ZC3H12B: variants seen among roughly 807,000 people sequenced by gnomAD.
ZC3H12B encodes zinc finger CCCH-type containing 12B, also known as probable ribonuclease ZC3H12B.
Under a neutral mutation model 43.9 loss-of-function variants are expected in ZC3H12B, and 7 were observed. That is an observed-to-expected ratio of 0.16 (90% confidence interval 0.09 to 0.30). The LOEUF (loss-of-function observed/expected upper bound fraction) is 0.30. Ranked by LOEUF, ZC3H12B falls within the 10% of genes least tolerant of loss-of-function variation. The pLI, the probability that ZC3H12B is intolerant of heterozygous loss-of-function variation, is 1.00. For missense variants in ZC3H12B, 475 were observed against 670.2 expected (o/e 0.71, Z 3.22); for synonymous variants, 222 against 241.7 (o/e 0.92, Z 0.76).
At chrX:65,109,493 C>A in the ZC3H12B span, among the ~76,000 whole-genome samples, 1 of 111,707 alleles carries the variant, frequency 9.0e-6, no homozygotes, top group Non-Finnish European at 1.9e-5. Flanking sequence ...CGTATGTTTT[C>A]TAGGTCTATG....
chrX:65,237,076 C>T, the ZC3H12B span, among the ~76,000 whole-genome samples: 1 of 111,765 alleles, frequency 8.9e-6, no homozygotes, highest in Non-Finnish European at 1.9e-5. Flanking sequence ...TCTTCTAATT[C>T]TGTGAAGAAT....
the ZC3H12B span, among the ~76,000 whole-genome samples, chrX:65,212,715 T>C: frequency 1.1e-5 from 1 of 93,389 alleles, no homozygotes. Context: ...TTATATATCA[T>C]ATATATATCA....
At chrX:65,092,923 G>C in the ZC3H12B span, among the ~76,000 whole-genome samples, 1 of 111,769 alleles carries the variant, frequency 8.9e-6, no homozygotes, top group Non-Finnish European at 1.9e-5. Context: ...GGCCTCCAAG[G>C]CTTCAGAGAC....
intron 2 of ZC3H12B, among the ~76,000 whole-genome samples, chrX:65,391,281 A>G (rs2066612505): frequency 2.7e-5 from 3 of 112,422 alleles, no homozygotes; most frequent in East Asian, 5.6e-4. Flanking sequence ...GGGAAAAAAG[A>G]TGGAGACAAA....
chrX:65,407,702 G>A lies in ZC3H12B; in HGVS notation n.407+8998G>A, dbSNP rs1283980408. Among the ~76,000 whole-genome samples, 10 of 113,789 alleles carry A rather than the reference G, an allele frequency of 8.8e-5. No homozygotes were observed. In the East Asian group the frequency reaches 2.8e-3, roughly 32 times the overall value. On this transcript the variant is annotated intron_variant and non_coding_transcript_variant, in intron 3 of 5. Coordinates refer to the ZC3H12B transcript ENST00000617377. ...GCCCAGGACTGGCGCCGCGCACGCG[G>A]ATCCCCGAGGGGAGTGCGGTCGGAG...
chrX:65,129,580 C>T, the ZC3H12B span, among the ~76,000 whole-genome samples: 1 of 110,931 alleles, frequency 9.0e-6, no homozygotes, highest in Non-Finnish European at 1.9e-5. Flanking sequence ...AAGGCAAGAA[C>T]CAGCCATTTT....
At chrX:65,257,674 T>A in the ZC3H12B span, among the ~76,000 whole-genome samples, 5 of 109,230 alleles carry the variant, frequency 4.6e-5, no homozygotes, top group Non-Finnish European at 9.5e-5. Flanking sequence ...GAGGTTGAAA[T>A]AATCATAAAT....
At chrX:65,062,513 G>T in the ZC3H12B span, among the ~76,000 whole-genome samples, 3 of 111,547 alleles carry the variant, frequency 2.7e-5, no homozygotes, top group Non-Finnish European at 5.7e-5. Flanking sequence ...TGTAACATTT[G>T]TCTATATATA....
At chrX:65,226,731 C>T in the ZC3H12B span, among the ~76,000 whole-genome samples, 1 of 111,000 alleles carries the variant, frequency 9.0e-6, no homozygotes, top group African/African-American at 3.3e-5. Flanking sequence ...GGGTTGCAAT[C>T]CTAGTCTCTG....
At chrX:65,383,508 A>C (rs1382500494) in intron 2 of ZC3H12B, among the ~76,000 whole-genome samples, 1 of 111,943 alleles carries the variant, frequency 8.9e-6, no homozygotes, top group Non-Finnish European at 1.9e-5. Context: ...CCCTAGAAGT[A>C]AACCTAGGCA....
the ZC3H12B span, among the ~76,000 whole-genome samples, chrX:65,087,561 C>T: frequency 9.0e-6 from 1 of 111,414 alleles, no homozygotes; most frequent in Admixed American, 9.5e-5. Context: ...GGTGAACGGA[C>T]TAGATGCACA....
the ZC3H12B span, among the ~76,000 whole-genome samples, chrX:65,179,050 C>T: frequency 4.5e-5 from 5 of 111,855 alleles, no homozygotes; most frequent in African/African-American, 1.6e-4. Flanking sequence ...AAATATGGTA[C>T]ATATACACCA....
chrX:65,221,592 G>C, the ZC3H12B span, among the ~76,000 whole-genome samples: 1 of 110,701 alleles, frequency 9.0e-6, no homozygotes, highest in Non-Finnish European at 1.9e-5. Flanking sequence ...AAAACCTAGA[G>C]GAAATGGATA....
exon 5 of ZC3H12B, chrX:65,501,855 G>A (rs756975795): frequency 2.5e-6 from 3 of 1,203,951 alleles, no homozygotes; most frequent in Non-Finnish European, 3.4e-6. Context: ...CAACCCCAGC[G>A]TTCGGTGGCT....
chrX:65,384,207 A>T (rs756943713), intron 2 of ZC3H12B, among the ~76,000 whole-genome samples: 2 of 102,793 alleles, frequency 1.9e-5, no homozygotes, highest in East Asian at 6.1e-4. Flanking sequence ...TGATGAGTTC[A>T]TGTCCTTTGT....
chrX:65,453,359 CATATATATATATATATATAT>C (rs1159840122), intron 3 of ZC3H12B, among the ~76,000 whole-genome samples: 19 of 27,177 alleles, frequency 7.0e-4, no homozygotes, highest in Admixed American at 1.3e-3. Flanking sequence ...AGCTCAAATG[CATATATATATATATATATAT>C]ATATATATAT....
the ZC3H12B span, among the ~76,000 whole-genome samples, chrX:65,169,121 A>T: frequency 2.7e-5 from 3 of 110,069 alleles, no homozygotes; most frequent in Non-Finnish European, 5.7e-5. Flanking sequence ...TTTAATTGTG[A>T]TGTTAGGGTG....
At chrX:65,142,415 A>G in the ZC3H12B span, among the ~76,000 whole-genome samples, 2 of 111,927 alleles carry the variant, frequency 1.8e-5, no homozygotes, top group African/African-American at 6.5e-5. Context: ...TCTTTGTCAG[A>G]TGTATGGATT....
At chrX:65,407,947 G>A (rs2066855073) in intron 3 of ZC3H12B, 1 of 749,867 alleles carries the variant, frequency 1.3e-6, no homozygotes, top group South Asian at 2.8e-5. Flanking sequence ...CCGGCCTAGC[G>A]CGCCTGCGTG....
Sources: allele counts gnomAD v4.1 joint callset (sites outside exome capture counted in the v4.1 genomes callset), GRCh38; gene constraint gnomAD v4.1.1; transcripts MANE v1.5; gene names NCBI Gene and HGNC (gene_info 2026-07-23, HGNC 2026-07-21).